The following MRS2 variants were observed in gnomAD, a reference collection of about 807,000 sequenced individuals.
The protein encoded by MRS2 is magnesium transporter MRS2, also known as magnesium transporter MRS2 homolog, mitochondrial.
A neutral mutation model predicts 52.6 loss-of-function variants in MRS2; 40 were observed. The observed-to-expected ratio is 0.76, with a 90% CI of 0.59 to 0.99. The LOEUF is 0.99. MRS2 is among the 50% of genes least tolerant of loss of function. The pLI is 0.00. For missense variants in MRS2, 472 were observed against 532.7 expected, an observed-to-expected ratio of 0.89 and a Z score of 1.12; for synonymous variants, 193 against 195.9, an observed-to-expected ratio of 0.98 and a Z score of 0.13.
intron 9 of MRS2, among the ~76,000 whole-genome samples, chr6:24,422,041 CAG>C (rs201712284): frequency 0.12 from 18,622 of 152,074 alleles, 1,455 homozygotes; most frequent in East Asian, 0.16. Context: ...CCCAGCTACT[CAG>C]GGGGGCCGAG....
At chr6:24,404,448 T>C (rs1311600039) in intron 1 of MRS2, among the ~76,000 whole-genome samples, 1 of 152,176 alleles carries the variant, frequency 6.6e-6, no homozygotes, top group Non-Finnish European at 1.5e-5. Context: ...GTGTATGTAG[T>C]AGAAAAAAGA....
At chr6:24,411,008 G>A (rs1761630361) in intron 4 of MRS2, among the ~76,000 whole-genome samples, 1 of 151,980 alleles carries the variant, frequency 6.6e-6, no homozygotes, top group Non-Finnish European at 1.5e-5. Context: ...GACCAACATG[G>A]TGAAACCCCG....
At position 24,426,170 on chromosome 6, in the gene MRS2, T is replaced by C. The variant is rs187815194; in HGVS notation, c.*2476T>C. The C allele has an allele frequency of 7.2e-5, 11 of 152,324 alleles. No homozygotes were observed. Among genetic ancestry groups the C allele is most frequent in the African/African-American group, 2.6e-4 (11 of 41,580 alleles). The allele number at this position is 152,324 out of a possible 1,614,324, so 9.4% of individuals were successfully genotyped here. ...GTAAATGTCTTCTGATATCTTGAAA[T>C]AAAGATAAATTTCAGTTAAACTTGT... On this transcript the variant is annotated 3_prime_UTR_variant, in exon 11 of 11. Coordinates refer to ENST00000378386, the MANE Select transcript of MRS2 (RefSeq NM_020662.4).
intron 3 of MRS2, 36 bp downstream of exon 3, chr6:24,408,480 T>C (rs369065743): frequency 2.1e-4 from 287 of 1,373,378 alleles, no homozygotes; most frequent in Admixed American, 6.8e-4. Flanking sequence ...TTTTTAAACA[T>C]TTAATGAGTG....
chr6:24,409,286 A>G (rs953339123), intron 3 of MRS2, among the ~76,000 whole-genome samples, 175 bp from the exon 4 acceptor site: 3 of 152,214 alleles, frequency 2.0e-5, no homozygotes, highest in African/African-American at 7.2e-5. Flanking sequence ...GTTTGACTCT[A>G]TTTAGCCCGA....
chr6:24,403,634 GACTCAA>G (rs1390400052), intron 1 of MRS2, among the ~76,000 whole-genome samples: 1 of 152,204 alleles, frequency 6.6e-6, no homozygotes, highest in Non-Finnish European at 1.5e-5. Context: ...GCCCAGGCTG[GACTCAA>G]ACTCCTTGCC....
In MRS2 at chr6:24,403,200, G is replaced by C. The variant is rs1162733722; in HGVS notation, c.154G>C (p.Ala52Pro). 3.7e-6 allele frequency: 6 copies of C among 1,602,506 alleles called. No individual in the cohort carries two copies. Among genetic ancestry groups the C allele is most frequent in the Non-Finnish European group, 5.1e-6 (6 of 1,179,412 alleles). ...CAACCTGATTGGAAGGAGCCGAGCG[G>C]CGCAGCTTTGCGGGCCCGACCGGCT... ...RANLIGRSRA[A>P]QLCGPDRLRV... The change falls in exon 1 of 11, where the codon GCG becomes CCG. Residue 52 changes from alanine to proline, a missense_variant. Physicochemically the swap from Ala to Pro is conservative, Grantham distance 27. Coordinates refer to ENST00000378386, the MANE Select transcript of MRS2 (RefSeq NM_020662.4).
At chr6:24,408,271 G>A (rs1761539894) in intron 2 of MRS2, 137 bp from the exon 3 acceptor site, 1 of 615,226 alleles carries the variant, frequency 1.6e-6, no homozygotes, top group Admixed American at 2.7e-5. Flanking sequence ...AAGAAGGTCA[G>A]TAATGGTTTA....
At chr6:24,405,381 C>G (rs1484287943) in intron 2 of MRS2, 140 bp downstream of exon 2, 1 of 627,954 alleles carries the variant, frequency 1.6e-6, no homozygotes, top group Non-Finnish European at 2.8e-6. Context: ...TTGTGCCTGG[C>G]CAGTGACCTA....
At position 24,423,663 on chromosome 6, in the gene MRS2, G is replaced by C; in HGVS notation, c.1301G>C (p.Gly434Ala). 1 of 1,610,894 alleles carries C rather than the reference G, an allele frequency of 6.2e-7. No individual in the cohort carries two copies. Among genetic ancestry groups the C allele is most frequent in the African/African-American group, 1.3e-5 (1 of 74,942 alleles). ...LKNSLRLDGL[G>A]SGRSILTNR ...AATAGCCTCAGACTGGATGGACTTG[G>C]ATCAGGAAGGAGCATCCTAACAAAC... is the stretch of plus-strand genomic sequence containing the variant. The change falls in exon 11 of 11, where the codon GGA becomes GCA. Residue 434 changes from glycine to alanine, a missense_variant. Coordinates refer to ENST00000378386, the MANE Select transcript of MRS2 (RefSeq NM_020662.4).
chr6:24,403,023 C>G lies in MRS2; in HGVS notation c.-24C>G. The G allele has an allele frequency of 1.3e-6, 2 of 1,562,976 alleles. No individual in the cohort carries two copies. Among genetic ancestry groups the G allele is most frequent in the Non-Finnish European group, 1.7e-6 (2 of 1,156,510 alleles). ...GGCATGAAGGTCTGGGGTCTGGCTGCTGCCTGCTTCTTGCTCCAGCACCAT... is the reference window on the plus strand; with the variant it reads ...GGCATGAAGGTCTGGGGTCTGGCTGGTGCCTGCTTCTTGCTCCAGCACCAT... On this transcript the variant is annotated 5_prime_UTR_variant, in exon 1 of 11. Transcript: ENST00000378386.
intron 1 of MRS2, 120 bp downstream of exon 1, chr6:24,403,356 C>A: frequency 1.0e-6 from 1 of 1,004,908 alleles, no homozygotes; most frequent in Admixed American, 3.2e-5. Flanking sequence ...CCTCGGCCTC[C>A]CGCGTGTCCT....
intron 4 of MRS2, 31 bp downstream of exon 4, chr6:24,409,604 C>A: frequency 7.5e-7 from 1 of 1,328,594 alleles, no homozygotes; most frequent in Non-Finnish European, 1.1e-6. Flanking sequence ...CTATGTTTCT[C>A]CAATACAATC....
At chr6:24,422,646 T>C (rs964548047) in intron 9 of MRS2, among the ~76,000 whole-genome samples, 1 of 152,216 alleles carries the variant, frequency 6.6e-6, no homozygotes, top group African/African-American at 2.4e-5. Flanking sequence ...TCCTCTGGCA[T>C]CATGACTTAA....
chr6:24,408,263 G>A, intron 2 of MRS2, 145 bp from the exon 3 acceptor site: 1 of 576,558 alleles, frequency 1.7e-6, no homozygotes, highest in South Asian at 2.5e-5. Flanking sequence ...TTAATCTAAA[G>A]AAGGTCAGTA....
intron 6 of MRS2, among the ~76,000 whole-genome samples, chr6:24,415,518 T>C (rs1224500033): frequency 6.6e-6 from 1 of 152,224 alleles, no homozygotes; most frequent in Non-Finnish European, 1.5e-5. Flanking sequence ...AAAATCATAA[T>C]GCATTCCAGA....
At position 24,412,157 on chromosome 6, in the gene MRS2, A is replaced by G. The variant is rs1354931611; in HGVS notation, c.415-65A>G. The G allele has an allele frequency of 9.3e-6, 8 of 856,900 alleles. 1 individual carries two copies. In the African/African-American group the frequency reaches 1.2e-4, roughly 13 times the overall value. 53.1% of individuals were successfully genotyped at this position (856,900 alleles called of 1,614,324 possible). A position where few individuals can be genotyped will look rare whatever the true frequency, so the allele number is the denominator to read the frequency against. ...TATATGTATGTATACATATATATGT[A>G]TATACATGCATGTGTGTATATACAC... On this transcript the variant is annotated intron_variant, in intron 4 of 10. Transcript: ENST00000378386.
In MRS2 at chr6:24,422,963, A is replaced by G; in HGVS notation, c.1134A>G (p.Thr378=). The change falls in exon 10 of 11, where the codon ACA becomes ACG. Residue 378 remains threonine (T), a synonymous_variant. Transcript: ENST00000378386. ...ACCATAGAATTTTTTGGCTGATTAC[A>G]GGAATTATGTTCATGGGAAGTGGCC... is the stretch of plus-strand genomic sequence containing the variant. ...EEDHRIFWLI[T]GIMFMGSGLI... 6.2e-7 allele frequency: 1 copy of G among 1,613,926 alleles called. No individual in the cohort carries two copies. The highest frequency in any genetic ancestry group is 1.1e-5 in the South Asian group (1 of 91,042).
intron 9 of MRS2, among the ~76,000 whole-genome samples, chr6:24,421,792 C>T (rs1259740291): frequency 1.3e-5 from 2 of 152,206 alleles, no homozygotes; most frequent in Admixed American, 1.3e-4. Flanking sequence ...TCTAAAGACC[C>T]TACTCAGATT....
Sources: allele counts gnomAD v4.1 joint callset (sites outside exome capture counted in the v4.1 genomes callset), GRCh38; gene constraint gnomAD v4.1.1; transcripts MANE v1.5; gene names NCBI Gene and HGNC (gene_info 2026-07-23, HGNC 2026-07-21).